EIF2B3: variants seen among roughly 807,000 people sequenced by gnomAD.
EIF2B3 encodes the protein eukaryotic translation initiation factor 2B subunit gamma.
A neutral mutation model predicts 54.1 loss-of-function variants in EIF2B3; 20 were observed. That is an observed-to-expected ratio of 0.37 (90% confidence interval 0.26 to 0.54). The LOEUF (loss-of-function observed/expected upper bound fraction) is 0.54. EIF2B3 is among the 20% of genes least tolerant of loss of function. The pLI, the probability that EIF2B3 is intolerant of heterozygous loss-of-function variation, is 0.86. For synonymous variants in EIF2B3, 153 were observed against 188.1 expected (o/e 0.81, Z 1.52); for missense variants, 448 against 547.8 (o/e 0.82, Z 1.82).
At chr1:44,938,082 T>G (rs1309789161) in intron 4 of EIF2B3, among the ~76,000 whole-genome samples, 1 of 151,938 alleles carries the variant, frequency 6.6e-6, no homozygotes, top group Non-Finnish European at 1.5e-5. Flanking sequence ...TATAAGTCAG[T>G]AAGAACGCCA....
At chr1:44,981,509 T>G (rs944221627) in intron 1 of EIF2B3, among the ~76,000 whole-genome samples, 3 of 152,126 alleles carry the variant, frequency 2.0e-5, no homozygotes, top group Non-Finnish European at 4.4e-5. Context: ...CAAGATACAG[T>G]GGGCATACAA....
At chr1:44,950,293 G>A (rs1053481404) in intron 3 of EIF2B3, among the ~76,000 whole-genome samples, 3 of 152,082 alleles carry the variant, frequency 2.0e-5, no homozygotes, top group Admixed American at 6.6e-5. Flanking sequence ...GCATGGTGGT[G>A]CATGCCTGTA....
At chr1:44,878,358 G>T (rs1042365646) in intron 8 of EIF2B3, among the ~76,000 whole-genome samples, 4 of 152,090 alleles carry the variant, frequency 2.6e-5, no homozygotes, top group Non-Finnish European at 5.9e-5. Context: ...CACCTATCAG[G>T]TTCAAGCAAT....
intron 3 of EIF2B3, among the ~76,000 whole-genome samples, chr1:44,946,627 C>CTTTTTTTT (rs35199520): frequency 7.6e-6 from 1 of 131,862 alleles, no homozygotes; most frequent in Non-Finnish European, 1.6e-5. Flanking sequence ...TCTTCTTCTT[C>CTTTTTTTT]TTTTTTTTTT....
chr1:44,916,809 G>A (rs1396130398), intron 5 of EIF2B3, among the ~76,000 whole-genome samples: 5 of 112,392 alleles, frequency 4.4e-5, no homozygotes, highest in Admixed American at 8.9e-5. Flanking sequence ...AGATTCTGTC[G>A]CAAAAAAAAA....
At chr1:44,958,818 G>A (rs1644254847) in intron 3 of EIF2B3, 10 of 1,120,030 alleles carry the variant, frequency 8.9e-6, no homozygotes, top group East Asian at 2.4e-5. Flanking sequence ...CGTGTTGGAC[G>A]TTAGCTCCTG....
intron 2 of EIF2B3, 78 bp downstream of exon 2, chr1:44,980,943 C>T: frequency 1.9e-6 from 3 of 1,573,232 alleles, no homozygotes; most frequent in Non-Finnish European, 2.6e-6. Flanking sequence ...CTCTCTCATT[C>T]TCATAACGCT....
At position 44,881,757 on chromosome 1, in the gene EIF2B3, C is replaced by G. The variant is rs760920999; in HGVS notation, c.657-18G>C. The G allele has an allele frequency of 6.2e-7, 1 of 1,613,588 alleles. No homozygotes were observed. Among genetic ancestry groups the G allele is most frequent in the Admixed American group, 1.7e-5 (1 of 60,008 alleles). ...TTATTGACCTAGAAAGAAAGAATGG[C>G]CAAATATGAGAAACCTGACTGTCTG... On this transcript the variant is annotated intron_variant, in intron 6 of 11. Transcript: ENST00000360403. The surrounding 1 kb of genome is among the most constrained non-coding windows in gnomAD (Gnocchi z 4.0).
intron 4 of EIF2B3, among the ~76,000 whole-genome samples, chr1:44,939,146 ATCT>A (rs1388448790): frequency 1.3e-5 from 2 of 151,466 alleles, no homozygotes; most frequent in African/African-American, 4.8e-5. Context: ...GGAAAGAAAA[ATCT>A]TCTTAAAACA....
At chr1:44,979,964 A>G (rs1644496313) in intron 2 of EIF2B3, among the ~76,000 whole-genome samples, 1 of 151,674 alleles carries the variant, frequency 6.6e-6, no homozygotes, top group Non-Finnish European at 1.5e-5. Context: ...AGACTCCAAC[A>G]TTTTAAATCT....
At chr1:44,953,580 C>T (rs542047638) in intron 3 of EIF2B3, among the ~76,000 whole-genome samples, 2 of 152,190 alleles carry the variant, frequency 1.3e-5, no homozygotes, top group South Asian at 4.2e-4. Context: ...AGTTCGAGAT[C>T]AGCCTGGGCA....
chr1:44,971,110 G>A (rs1644394707), intron 3 of EIF2B3, among the ~76,000 whole-genome samples: 1 of 152,194 alleles, frequency 6.6e-6, no homozygotes, highest in Non-Finnish European at 1.5e-5. Context: ...ATGGCCGGGC[G>A]CAGTGGCTCA....
At chr1:44,893,901 C>T (rs1488379951) in intron 6 of EIF2B3, among the ~76,000 whole-genome samples, 2 of 152,148 alleles carry the variant, frequency 1.3e-5, no homozygotes, top group Non-Finnish European at 2.9e-5. Context: ...GAAATCAAGA[C>T]TAATCCTGGT....
intron 4 of EIF2B3, among the ~76,000 whole-genome samples, chr1:44,933,484 G>C (rs72676543): frequency 6.6e-6 from 1 of 152,212 alleles, no homozygotes; most frequent in Non-Finnish European, 1.5e-5. Context: ...GTTATTTGGA[G>C]ATATGGAGTT....
chr1:44,906,469 C>T (rs1246032399), intron 5 of EIF2B3, among the ~76,000 whole-genome samples: 1 of 152,194 alleles, frequency 6.6e-6, no homozygotes, highest in Non-Finnish European at 1.5e-5. Context: ...GGCACGATCT[C>T]GACTCACTGC....
chr1:44,907,154 C>T (rs1252158115), intron 5 of EIF2B3, among the ~76,000 whole-genome samples: 1 of 152,224 alleles, frequency 6.6e-6, no homozygotes, highest in Non-Finnish European at 1.5e-5. Context: ...ACAATACCTT[C>T]CCTTACTTGG....
chr1:44,885,708 C>G (rs1375013626), intron 6 of EIF2B3, among the ~76,000 whole-genome samples: 1 of 151,594 alleles, frequency 6.6e-6, no homozygotes, highest in Non-Finnish European at 1.5e-5. Context: ...ATCAAAATAC[C>G]TCTATAACAG....
At chr1:44,920,477 T>C (rs1310717343) in intron 5 of EIF2B3, among the ~76,000 whole-genome samples, 1 of 152,156 alleles carries the variant, frequency 6.6e-6, no homozygotes, top group Admixed American at 6.6e-5. Context: ...TTAGGTTTTA[T>C]TCATTCTTTC....
At position 44,850,730 on chromosome 1, in the gene EIF2B3, C is replaced by T; in HGVS notation, c.*221G>A. On this transcript the variant is annotated 3_prime_UTR_variant, in exon 12 of 12. Transcript: ENST00000360403. ...AGTTAGGCCACTGTATCTGTCCTGT[C>T]CCACACACTTGCTCCAGATGATCTT... 1 of 600,184 alleles carries T rather than the reference C, an allele frequency of 1.7e-6. No individual in the cohort carries two copies. The allele number at this position is 600,184 out of a possible 1,614,324, so 37.2% of individuals were successfully genotyped here.
Sources: allele counts gnomAD v4.1 joint callset (sites outside exome capture counted in the v4.1 genomes callset), GRCh38; gene constraint gnomAD v4.1.1; non-coding constraint Gnocchi (gnomAD v3.1); transcripts MANE v1.5; gene names NCBI Gene and HGNC (gene_info 2026-07-23, HGNC 2026-07-21).